The following ADGRE3 variants were observed in gnomAD, a reference collection of about 807,000 sequenced individuals.
ADGRE3 encodes adhesion G protein-coupled receptor E3, also known as EGF-like module receptor 3.
Under a neutral mutation model 80.1 loss-of-function variants are expected in ADGRE3, and 88 were observed. That is an observed-to-expected ratio of 1.10 (90% CI 0.93 to 1.31). The LOEUF is 1.31. ADGRE3 is among the 40% of genes most tolerant of loss of function. ADGRE3 has a pLI of 0.00. For synonymous variants in ADGRE3, 281 were observed against 294.8 expected (o/e 0.95, Z 0.48); for missense variants, 715 against 776.5 (o/e 0.92, Z 0.94).
chr19:14,650,006 C>T (rs1162260255), intron 7 of ADGRE3, among the ~76,000 whole-genome samples: 1 of 147,410 alleles, frequency 6.8e-6, no homozygotes, highest in Non-Finnish European at 1.5e-5. Flanking sequence ...ATCTCTCCCT[C>T]CCCATCTCTC....
chr19:14,649,164 C>CTT (rs1971506193), intron 7 of ADGRE3, among the ~76,000 whole-genome samples: 1 of 150,554 alleles, frequency 6.6e-6, no homozygotes, highest in Non-Finnish European at 1.5e-5. Context: ...CCATCTCTCT[C>CTT]CCCATCTCTC....
chr19:14,600,226 C>T, the ADGRE3 span: 8 of 1,601,526 alleles, frequency 5.0e-6, no homozygotes, highest in Admixed American at 6.7e-5. Context: ...CAGGGACAGC[C>T]TGCTTCTCTT....
At chr19:14,666,116 C>T (rs1350924303) in intron 2 of ADGRE3, among the ~76,000 whole-genome samples, 2 of 150,468 alleles carry the variant, frequency 1.3e-5, no homozygotes, top group African/African-American at 4.9e-5. Flanking sequence ...GGATAGATAC[C>T]CAGTAGTGGG....
At chr19:14,636,149 T>C (rs149155577) in intron 11 of ADGRE3, among the ~76,000 whole-genome samples, 10,762 of 40,282 alleles carry the variant, frequency 0.27, 3,476 homozygotes, top group South Asian at 0.46. Flanking sequence ...TTTCTTTCTT[T>C]CTTCCTTTCC....
the ADGRE3 span, among the ~76,000 whole-genome samples, chr19:14,612,929 A>T: frequency 8.3e-5 from 10 of 120,850 alleles, no homozygotes; most frequent in African/African-American, 1.4e-4. Flanking sequence ...CAATCAATTT[A>T]TTTTTTTTTT....
rs1237779840 is a variant in ADGRE3, at chr19:14,663,494, A to G, written c.123T>C (p.Thr41=). ...TATATCCATGGTTGCAGGTGCAGTG[A>G]GTGTTATTGACACAGGAAGCATTTG... is the stretch of plus-strand genomic sequence containing the variant. ...CPPNASCVNN[T]HCTCNHGYTS... Residue 41 remains threonine, a synonymous_variant, in exon 3 of 16, where the codon ACT becomes ACC. Coordinates refer to ENST00000253673, the MANE Select transcript of ADGRE3 (RefSeq NM_032571.5). 1.2e-6 allele frequency: 2 copies of G among 1,613,444 alleles called. No individual in the cohort carries two copies. Among genetic ancestry groups the G allele is most frequent in the Non-Finnish European group, 1.7e-6 (2 of 1,179,626 alleles).
chr19:14,611,847 C>T, the ADGRE3 span, among the ~76,000 whole-genome samples: 1 of 151,870 alleles, frequency 6.6e-6, no homozygotes, highest in African/African-American at 2.4e-5. Context: ...ACTAAAAATA[C>T]AAAAAAATTA....
At chr19:14,660,698 T>G (rs1971923483) in intron 4 of ADGRE3, among the ~76,000 whole-genome samples, 1 of 151,994 alleles carries the variant, frequency 6.6e-6, no homozygotes, top group African/African-American at 2.4e-5. Flanking sequence ...CCAAGTCTCA[T>G]CTCTTTTCTC....
In ADGRE3 at chr19:14,658,332, G is replaced by A. The variant is rs2146885362; in HGVS notation, c.393+181C>T. The stretch of plus-strand genomic sequence containing the variant: ...ATTGTGTAGTAATATGATATTATAT[G>A]GTAATAATATATTATGTATTTATAT... On this transcript the variant is annotated intron_variant, in intron 5 of 15. Coordinates refer to ENST00000253673, the MANE Select transcript of ADGRE3 (RefSeq NM_032571.5). 1.5e-5 allele frequency: 4 copies of A among 272,132 alleles called. No individual in the cohort carries two copies. In the South Asian group the frequency reaches 4.6e-4, roughly 32 times the overall value. The allele number at this position is 272,132 out of a possible 1,614,324, so 16.9% of individuals were successfully genotyped here. A position where few individuals can be genotyped will look rare whatever the true frequency, so the allele number is the denominator to read the frequency against.
intron 9 of ADGRE3, among the ~76,000 whole-genome samples, chr19:14,642,943 C>A (rs963339132): frequency 1.9e-4 from 29 of 152,082 alleles, no homozygotes; most frequent in Non-Finnish European, 4.0e-4. Context: ...TGGGTATATA[C>A]CCAGTAACAG....
chr19:14,668,322 A>G (rs1599655719), intron 2 of ADGRE3, among the ~76,000 whole-genome samples: 1 of 152,056 alleles, frequency 6.6e-6, no homozygotes, highest in Admixed American at 6.6e-5. Flanking sequence ...CAGATTCTTA[A>G]CCCACAGAAA....
intron 7 of ADGRE3, 122 bp from the exon 8 acceptor site, chr19:14,647,487 G>T: frequency 2.7e-6 from 2 of 729,618 alleles, no homozygotes; most frequent in South Asian, 4.0e-5. Flanking sequence ...CGTGATCTTG[G>T]CTCACTGCAA....
At chr19:14,623,564 T>C (rs1970652902) in intron 15 of ADGRE3, among the ~76,000 whole-genome samples, 1 of 152,180 alleles carries the variant, frequency 6.6e-6, no homozygotes, top group Non-Finnish European at 1.5e-5. Flanking sequence ...AACAGGGCTA[T>C]GTCCTCCCCC....
chr19:14,657,477 G>A (rs758583834), intron 5 of ADGRE3, among the ~76,000 whole-genome samples: 3 of 151,594 alleles, frequency 2.0e-5, no homozygotes, highest in Non-Finnish European at 2.9e-5. Flanking sequence ...ACACACACAC[G>A]CTCATACACA....
intron 13 of ADGRE3, among the ~76,000 whole-genome samples, chr19:14,631,758 C>T (rs1332794617): frequency 6.6e-6 from 1 of 151,906 alleles, no homozygotes; most frequent in Non-Finnish European, 1.5e-5. Context: ...ATAGTGTGAT[C>T]CTATTGTGTG....
At chr19:14,604,486 C>T in the ADGRE3 span, among the ~76,000 whole-genome samples, 5 of 152,154 alleles carry the variant, frequency 3.3e-5, no homozygotes, top group African/African-American at 4.8e-5. Context: ...TAAAGTCGGC[C>T]GGCTGCAGTG....
At chr19:14,637,985 C>A in intron 11 of ADGRE3, 120 bp downstream of exon 11, 1 of 718,238 alleles carries the variant, frequency 1.4e-6, no homozygotes, top group South Asian at 1.7e-5. Context: ...GAGGTTAGAG[C>A]TGTTATAAAG....
intron 7 of ADGRE3, 24 bp from the exon 8 acceptor site, chr19:14,647,389 CT>C: frequency 7.9e-6 from 10 of 1,267,986 alleles, no homozygotes; most frequent in Non-Finnish European, 9.9e-6. Context: ...AAGATGGAAT[CT>C]TTTTTCTTTT....
At chr19:14,651,680 A>T (rs897491462) in intron 6 of ADGRE3, among the ~76,000 whole-genome samples, 2 of 152,172 alleles carry the variant, frequency 1.3e-5, no homozygotes, top group African/African-American at 4.8e-5. Context: ...AGTTCATAGC[A>T]GCTTAGATGA....
Sources: gnomAD v4.1 joint callset for allele counts (sites outside exome capture counted in the v4.1 genomes callset) on GRCh38, gnomAD v4.1.1 for gene constraint, MANE v1.5 for transcripts, NCBI Gene and HGNC (gene_info 2026-07-23, HGNC 2026-07-21) for gene names.